MACROD2: variants seen among roughly 807,000 people sequenced by gnomAD.
MACROD2 encodes the protein ADP-ribose glycohydrolase MACROD2.
In MACROD2, 36 loss-of-function variants were observed where a neutral mutation model predicts 70.4. The ratio of observed to expected loss-of-function variants is 0.51; its 90% CI spans 0.39 to 0.68. MACROD2 has a LOEUF of 0.68. Among genes scored for constraint, MACROD2 ranks in the 30% least tolerant of loss-of-function variants. The pLI, the probability that MACROD2 is intolerant of heterozygous loss-of-function variation, is 0.00. For synonymous variants in MACROD2, 172 were observed against 178.8 expected, an observed-to-expected ratio of 0.96 and a Z score of 0.30; for missense variants, 496 against 538.4, an observed-to-expected ratio of 0.92 and a Z score of 0.78.
At chr20:14,762,714 G>A (rs1219842573) in intron 5 of MACROD2, among the ~76,000 whole-genome samples, 1 of 152,032 alleles carries the variant, frequency 6.6e-6, no homozygotes, top group African/African-American at 2.4e-5. Context: ...TAGATTGCTT[G>A]AGGCCAGGAG....
At chr20:15,278,414 C>T (rs1390329575) in intron 6 of MACROD2, among the ~76,000 whole-genome samples, 1 of 152,134 alleles carries the variant, frequency 6.6e-6, no homozygotes, top group Non-Finnish European at 1.5e-5. Context: ...GATGCAGTAG[C>T]AGAATGAGGG....
chr20:15,587,995 C>G (rs551512046), intron 8 of MACROD2, among the ~76,000 whole-genome samples: 1 of 152,334 alleles, frequency 6.6e-6, no homozygotes, highest in East Asian at 1.9e-4. Context: ...GGGGCTTCAA[C>G]CCCACATTTT....
chr20:15,137,593 A>T (rs1214591048), intron 5 of MACROD2, among the ~76,000 whole-genome samples: 1 of 149,278 alleles, frequency 6.7e-6, no homozygotes, highest in South Asian at 2.2e-4. Context: ...TAGCATTAGG[A>T]GATATACCTA....
chr20:14,637,341 T>C (rs561409235), intron 4 of MACROD2, among the ~76,000 whole-genome samples: 1 of 152,296 alleles, frequency 6.6e-6, no homozygotes, highest in East Asian at 1.9e-4. Flanking sequence ...CTTCAGATAC[T>C]AGTGTTCCAG....
chr20:15,931,727 T>C (rs1460359076), intron 10 of MACROD2, among the ~76,000 whole-genome samples: 1 of 152,184 alleles, frequency 6.6e-6, no homozygotes, highest in East Asian at 1.9e-4. Flanking sequence ...CCTGTACGTA[T>C]ATTTATTAAC....
At chr20:14,658,447 G>C (rs1986077144) in intron 4 of MACROD2, among the ~76,000 whole-genome samples, 1 of 152,148 alleles carries the variant, frequency 6.6e-6, no homozygotes, top group South Asian at 2.1e-4. Flanking sequence ...TTTCAGCAGA[G>C]GAACTGTACT....
At chr20:14,012,010 G>A (rs1298093754) in intron 2 of MACROD2, among the ~76,000 whole-genome samples, 1 of 152,082 alleles carries the variant, frequency 6.6e-6, no homozygotes, top group African/African-American at 2.4e-5. Flanking sequence ...CCAAGTTCAA[G>A]TGATTCTTGT....
At chr20:15,882,397 G>T (rs1328941070) in intron 9 of MACROD2, among the ~76,000 whole-genome samples, 1 of 152,074 alleles carries the variant, frequency 6.6e-6, no homozygotes, top group Non-Finnish European at 1.5e-5. Flanking sequence ...TTTGGAATTT[G>T]AATGAGCCCA....
chr20:14,172,124 A>T (rs1002390010), intron 3 of MACROD2, among the ~76,000 whole-genome samples: 9 of 151,986 alleles, frequency 5.9e-5, no homozygotes, highest in African/African-American at 1.5e-4. Context: ...TGTTGCTTTG[A>T]AGTATGCTTT....
intron 9 of MACROD2, among the ~76,000 whole-genome samples, chr20:15,869,018 C>T: frequency 6.6e-6 from 1 of 151,510 alleles, no homozygotes; most frequent in Non-Finnish European, 1.5e-5. Flanking sequence ...TCTTGAACTC[C>T]TGGGCTCAAG....
intron 8 of MACROD2, among the ~76,000 whole-genome samples, chr20:15,757,943 A>G (rs1430263769): frequency 6.6e-6 from 1 of 152,210 alleles, no homozygotes; most frequent in Non-Finnish European, 1.5e-5. Flanking sequence ...CATTTAGCCT[A>G]TGATAATGAG....
intron 4 of MACROD2, among the ~76,000 whole-genome samples, chr20:14,592,702 G>A (rs1261031438): frequency 2.0e-5 from 3 of 152,116 alleles, no homozygotes; most frequent in Non-Finnish European, 2.9e-5. Flanking sequence ...TCTGCATAGG[G>A]ATCATTTATT....
chr20:15,999,920 G>A (rs529362825), intron 15 of MACROD2, among the ~76,000 whole-genome samples: 176 of 152,270 alleles, frequency 1.2e-3, no homozygotes, highest in African/African-American at 3.0e-3. Context: ...GCCATGCCAC[G>A]GAGTGTGGAG....
At chr20:14,191,725 A>G (rs2081389799) in intron 3 of MACROD2, among the ~76,000 whole-genome samples, 1 of 152,228 alleles carries the variant, frequency 6.6e-6, no homozygotes, top group South Asian at 2.1e-4. Context: ...TATTCCAGGC[A>G]GAGGGAACTG....
At chr20:14,930,915 A>G (rs2074290042) in intron 5 of MACROD2, among the ~76,000 whole-genome samples, 1 of 149,330 alleles carries the variant, frequency 6.7e-6, no homozygotes, top group Non-Finnish European at 1.5e-5. Flanking sequence ...CTGTAGTCCT[A>G]GCTTCCCAGG....
intron 2 of MACROD2, among the ~76,000 whole-genome samples, chr20:14,026,308 T>C (rs2053164550): frequency 6.6e-6 from 1 of 152,236 alleles, no homozygotes; most frequent in South Asian, 2.1e-4. Context: ...TTTGCCAGTC[T>C]GTGTCTTTTA....
At chr20:15,174,657 C>T (rs113796718) in intron 5 of MACROD2, among the ~76,000 whole-genome samples, 12,417 of 152,260 alleles carry the variant, frequency 0.082, 640 homozygotes, top group Admixed American at 0.12. Flanking sequence ...ACATCCTCTC[C>T]AGCACCTGTT....
At chr20:15,298,619 AGT>A (rs1190981664) in intron 6 of MACROD2, among the ~76,000 whole-genome samples, 3 of 152,332 alleles carry the variant, frequency 2.0e-5, no homozygotes, top group Middle Eastern at 6.8e-3. Context: ...CTTTGAAACT[AGT>A]GTGTGTTTGT....
At chr20:14,104,066 A>G (rs190445161) in intron 3 of MACROD2, among the ~76,000 whole-genome samples, 91 of 152,156 alleles carry the variant, frequency 6.0e-4, no homozygotes, top group Non-Finnish European at 1.1e-3. Context: ...CACATAACCA[A>G]ATAGCTCTAT....
Sources: allele counts gnomAD v4.1 joint callset (sites outside exome capture counted in the v4.1 genomes callset), GRCh38; gene constraint gnomAD v4.1.1; transcripts MANE v1.5; gene names NCBI Gene and HGNC (gene_info 2026-07-23, HGNC 2026-07-21).